Variants in JAML observed in about 807,000 individuals in gnomAD.
The protein encoded by JAML is junction adhesion molecule like.
A neutral mutation model predicts 39.3 loss-of-function variants in JAML; 25 were observed. The ratio of observed to expected loss-of-function variants is 0.64; its 90% CI spans 0.46 to 0.89. The LOEUF (loss-of-function observed/expected upper bound fraction) is 0.89, where lower values mean the gene tolerates loss of function less well. Among genes scored for constraint, JAML ranks in the 40% least tolerant of loss-of-function variants. The pLI, the probability that JAML is intolerant of heterozygous loss-of-function variation, is 0.00. For missense variants in JAML, 440 were observed against 486.9 expected (o/e 0.90, Z 0.91); for synonymous variants, 162 against 179.2 (o/e 0.90, Z 0.77).
Position 118,212,449 on chromosome 11 carries a change from T to C in JAML, c.156A>G (p.Ile52Met). The change falls in exon 3 of 10, where the codon ATA (isoleucine) becomes ATG (methionine). Residue 52 changes from isoleucine to methionine, a missense_variant. Coordinates refer to ENST00000356289, the MANE Select transcript of JAML (RefSeq NM_001098526.2). ...CVFQSTEDKC[I>M]FKIDWTLSPG... ...GTGACAGAGTCCAGTCTATCTTGAATATACATTTGTCTTCTGTGCTCTGGA... is the reference window on the plus strand; with the variant it reads ...GTGACAGAGTCCAGTCTATCTTGAACATACATTTGTCTTCTGTGCTCTGGA... 1 of 1,614,172 alleles carries C rather than the reference T, an allele frequency of 6.2e-7. No individual in the cohort carries two copies. Among genetic ancestry groups the C allele is most frequent in the South Asian group, 1.1e-5 (1 of 91,084 alleles).
At chr11:118,207,505 G>C (rs1230748325) in intron 4 of JAML, among the ~76,000 whole-genome samples, 2 of 152,090 alleles carry the variant, frequency 1.3e-5, no homozygotes, top group African/African-American at 4.8e-5. Context: ...AAAAGTAGAG[G>C]ACATTAATCT....
At chr11:118,223,326 T>C (rs1949229045) in intron 1 of JAML, among the ~76,000 whole-genome samples, 1 of 152,158 alleles carries the variant, frequency 6.6e-6, no homozygotes, top group Non-Finnish European at 1.5e-5. Flanking sequence ...CTAGAGAATT[T>C]ATTTGTTTAA....
intron 4 of JAML, 46 bp from the exon 5 acceptor site, chr11:118,206,037 T>C (rs753367760): frequency 1.9e-5 from 29 of 1,517,978 alleles, no homozygotes; most frequent in Non-Finnish European, 2.6e-5. Flanking sequence ...TTATAATCTA[T>C]AGAAGTCAAA....
intron 7 of JAML, 62 bp from the exon 8 acceptor site, chr11:118,198,153 C>T: frequency 2.2e-6 from 3 of 1,358,662 alleles, no homozygotes; most frequent in Non-Finnish European, 3.2e-6. Flanking sequence ...AGGGTCCCTA[C>T]ATGAGATCCC....
chr11:118,216,232 A>G (rs1248389471), intron 1 of JAML, among the ~76,000 whole-genome samples: 3 of 151,974 alleles, frequency 2.0e-5, no homozygotes, highest in East Asian at 3.9e-4. Flanking sequence ...TTAGCCGGGC[A>G]TGGTGGCGGC....
At chr11:118,207,060 C>T (rs1451671124) in intron 4 of JAML, among the ~76,000 whole-genome samples, 1 of 152,054 alleles carries the variant, frequency 6.6e-6, no homozygotes, top group Non-Finnish European at 1.5e-5. Context: ...GAGAAATGCA[C>T]AATAGGAGGA....
At chr11:118,219,070 T>C (rs1043235830) in intron 1 of JAML, among the ~76,000 whole-genome samples, 3 of 144,878 alleles carry the variant, frequency 2.1e-5, no homozygotes, top group Admixed American at 6.7e-5. Context: ...AGGATCTTCT[T>C]TTCTATTACT....
In JAML at chr11:118,203,484, C is replaced by T. The variant is rs1322745729; in HGVS notation, c.716G>A (p.Gly239Glu). ...AATGGTTTTCTTGAACACCAGGTTC[C>T]CTAGGTGGATACTGCAGGTGTAGTT... The part of the protein sequence containing the change: ...GGNYTCSIHL[G>E]NLVFKKTIVL... The change falls in exon 6 of 10, where the codon GGG becomes GAG. Residue 239 changes from glycine (G) to glutamate (E), a missense_variant. Transcript: ENST00000356289. The T allele has an allele frequency of 6.2e-7, 1 of 1,614,172 alleles. No individual in the cohort carries two copies. The highest frequency in any genetic ancestry group is 1.7e-5 in the Admixed American group (1 of 60,004).
chr11:118,209,119 G>T, intron 4 of JAML: 2 of 324,174 alleles, frequency 6.2e-6, no homozygotes, highest in South Asian at 3.7e-5. Flanking sequence ...ACAGTTGCTT[G>T]CAATACTTTT....
chr11:118,205,497 G>T (rs1019023701), intron 5 of JAML: 3 of 175,876 alleles, frequency 1.7e-5, no homozygotes, highest in Non-Finnish European at 3.7e-5. Flanking sequence ...AAGAATAAAA[G>T]TGTAATCACT....
chr11:118,209,544 G>A (rs1320018552), intron 4 of JAML, among the ~76,000 whole-genome samples: 2 of 152,110 alleles, frequency 1.3e-5, no homozygotes, highest in Non-Finnish European at 2.9e-5. Flanking sequence ...TTAAGAGACA[G>A]GGTCTCAGCT....
intron 5 of JAML, chr11:118,205,198 AAGTT>A (rs1591468286): frequency 1.3e-5 from 2 of 152,348 alleles, no homozygotes; most frequent in South Asian, 4.1e-4. Flanking sequence ...TAATTTATAA[AAGTT>A]AGTCTTTACT....
intron 6 of JAML, chr11:118,201,813 T>A (rs547444585): frequency 1.3e-5 from 2 of 152,298 alleles, no homozygotes; most frequent in East Asian, 3.9e-4. Flanking sequence ...CCTGACCTGT[T>A]AGATTAGGGG....
intron 4 of JAML, among the ~76,000 whole-genome samples, chr11:118,206,563 T>G (rs1387080658): frequency 6.6e-6 from 1 of 152,236 alleles, no homozygotes; most frequent in Non-Finnish European, 1.5e-5. Context: ...TTTATTGTTT[T>G]TCTTTTATTC....
intron 1 of JAML, chr11:118,223,925 T>C (rs1047843746): frequency 6.6e-6 from 1 of 152,292 alleles, no homozygotes; most frequent in Non-Finnish European, 1.5e-5. Flanking sequence ...AGCTGCTGTC[T>C]CTCAGTGTTT....
At chr11:118,216,771 GATA>G (rs747871203) in intron 1 of JAML, among the ~76,000 whole-genome samples, 3 of 152,140 alleles carry the variant, frequency 2.0e-5, no homozygotes, top group Non-Finnish European at 4.4e-5. Flanking sequence ...TAACAATGGG[GATA>G]ATAATTACAC....
chr11:118,218,319 C>G (rs1360020070), intron 1 of JAML, among the ~76,000 whole-genome samples: 1 of 152,186 alleles, frequency 6.6e-6, no homozygotes, highest in Non-Finnish European at 1.5e-5. Context: ...TCTCAAACTC[C>G]CCACCTCAGG....
chr11:118,200,445 C>A, intron 7 of JAML, 29 bp downstream of exon 7: 1 of 1,612,548 alleles, frequency 6.2e-7, no homozygotes, highest in Non-Finnish European at 8.5e-7. Context: ...CCCAGCCTCC[C>A]AATCCAAGGG....
At chr11:118,215,012 A>G in intron 1 of JAML, 126 bp from the exon 2 acceptor site, 4 of 755,544 alleles carry the variant, frequency 5.3e-6, no homozygotes, top group Non-Finnish European at 6.4e-6. Flanking sequence ...ATTGAACAAG[A>G]AAAACAGACG....
Sources: gnomAD v4.1 joint callset for allele counts (sites outside exome capture counted in the v4.1 genomes callset) on GRCh38, gnomAD v4.1.1 for gene constraint, MANE v1.5 for transcripts, NCBI Gene and HGNC (gene_info 2026-07-23, HGNC 2026-07-21) for gene names.